Variants in HS6ST3 observed in about 807,000 individuals in gnomAD.
The protein encoded by HS6ST3 is heparan-sulfate 6-O-sulfotransferase 3.
In HS6ST3, 12 loss-of-function variants were observed where a neutral mutation model predicts 36.7. The observed-to-expected ratio is 0.33, with a 90% CI of 0.21 to 0.53. HS6ST3 has a LOEUF of 0.53. HS6ST3 is among the 20% of genes least tolerant of loss of function. The pLI is 0.95. For missense variants in HS6ST3, 584 were observed against 640.9 expected (o/e 0.91, Z 0.96); for synonymous variants, 240 against 257.5 (o/e 0.93, Z 0.65).
intron 1 of HS6ST3, among the ~76,000 whole-genome samples, chr13:96,713,763 A>G (rs1339899175): frequency 6.6e-6 from 1 of 152,178 alleles, no homozygotes; most frequent in African/African-American, 2.4e-5. Flanking sequence ...GAAAAATTAC[A>G]AGATTTTCCA....
chr13:96,344,833 C>A (rs1044863125), intron 1 of HS6ST3, among the ~76,000 whole-genome samples: 1 of 152,176 alleles, frequency 6.6e-6, no homozygotes, highest in Non-Finnish European at 1.5e-5. Context: ...AGGTATTATA[C>A]GAATGCCTGT....
intron 1 of HS6ST3, among the ~76,000 whole-genome samples, chr13:96,508,092 G>T (rs1469955746): frequency 6.6e-6 from 1 of 152,054 alleles, no homozygotes. Flanking sequence ...TAGCACATTT[G>T]TACCCTTTGA....
intron 1 of HS6ST3, among the ~76,000 whole-genome samples, chr13:96,247,320 A>T (rs2139375599): frequency 6.6e-6 from 1 of 152,116 alleles, no homozygotes; most frequent in Admixed American, 6.5e-5. Flanking sequence ...CCCAAGTCTC[A>T]TCTCAAATTG....
At chr13:96,570,256 G>T (rs1443469352) in intron 1 of HS6ST3, among the ~76,000 whole-genome samples, 1 of 152,038 alleles carries the variant, frequency 6.6e-6, no homozygotes, top group Non-Finnish European at 1.5e-5. Flanking sequence ...GTCTTAATTT[G>T]GGGCCTACAT....
In HS6ST3 at chr13:96,213,539, T is replaced by C. The variant is rs1229667262; in HGVS notation, c.707+121970T>C. Among the ~76,000 whole-genome samples, 3 of 152,078 alleles carry C rather than the reference T, an allele frequency of 2.0e-5. 1 individual carries two copies. The South Asian group carries it at 6.2e-4, about 32-fold the overall frequency. ...TCTGTGTAGGACAATTTTTTTTTTTTTTTTTTAGATGGAATCTTGTTCTCT... is the reference window on the plus strand; with the variant it reads ...TCTGTGTAGGACAATTTTTTTTTTTCTTTTTTAGATGGAATCTTGTTCTCT... On this transcript the variant is annotated intron_variant, in intron 1 of 1. Coordinates refer to ENST00000376705, the MANE Select transcript of HS6ST3 (RefSeq NM_153456.4).
intron 1 of HS6ST3, among the ~76,000 whole-genome samples, chr13:96,707,772 A>C (rs774894576): frequency 3.9e-5 from 6 of 152,214 alleles, no homozygotes; most frequent in Non-Finnish European, 7.3e-5. Flanking sequence ...TACATGTAGA[A>C]AGAATGGAAG....
intron 1 of HS6ST3, among the ~76,000 whole-genome samples, chr13:96,427,066 G>T (rs2055590844): frequency 6.6e-6 from 1 of 152,174 alleles, no homozygotes; most frequent in African/African-American, 2.4e-5. Flanking sequence ...AGCTTCCCAG[G>T]TGATTCCAAT....
intron 1 of HS6ST3, among the ~76,000 whole-genome samples, chr13:96,262,378 C>G (rs968558944): frequency 4.6e-5 from 7 of 152,108 alleles, no homozygotes; most frequent in African/African-American, 1.7e-4. Flanking sequence ...TCTGAAATCC[C>G]TGAAGAGTCT....
intron 1 of HS6ST3, among the ~76,000 whole-genome samples, chr13:96,620,875 C>T (rs548988239): frequency 1.5e-4 from 23 of 152,008 alleles, no homozygotes; most frequent in African/African-American, 5.3e-4. Flanking sequence ...ATGCCACCTT[C>T]ACTGGCTACA....
At chr13:96,668,686 C>CTTTTTTTTTTTT (rs146033180) in intron 1 of HS6ST3, among the ~76,000 whole-genome samples, 10 of 58,944 alleles carry the variant, frequency 1.7e-4, no homozygotes, top group South Asian at 7.4e-4. Flanking sequence ...TAGTGCCAAC[C>CTTTTTTTTTTTT]TTTTTTTTTT....
At chr13:96,277,067 G>C (rs1347010468) in intron 1 of HS6ST3, among the ~76,000 whole-genome samples, 1 of 152,192 alleles carries the variant, frequency 6.6e-6, no homozygotes, top group African/African-American at 2.4e-5. Flanking sequence ...CACAGGCCCA[G>C]TCCTGCTTCA....
At chr13:96,221,556 A>G (rs1250360786) in intron 1 of HS6ST3, among the ~76,000 whole-genome samples, 1 of 152,136 alleles carries the variant, frequency 6.6e-6, no homozygotes, top group Non-Finnish European at 1.5e-5. Flanking sequence ...GAACAGTTAG[A>G]TGCAGGTGAG....
At chr13:96,222,510 A>T (rs2054460943) in intron 1 of HS6ST3, among the ~76,000 whole-genome samples, 1 of 152,376 alleles carries the variant, frequency 6.6e-6, no homozygotes, top group African/African-American at 2.4e-5. Flanking sequence ...AGCAAATGCT[A>T]ACAGCAGCTT....
intron 1 of HS6ST3, among the ~76,000 whole-genome samples, chr13:96,178,055 A>G (rs1351592990): frequency 6.6e-6 from 1 of 152,136 alleles, no homozygotes; most frequent in African/African-American, 2.4e-5. Context: ...ATGTATAACT[A>G]TATGTTTACT....
At chr13:96,671,237 C>G (rs1167920760) in intron 1 of HS6ST3, among the ~76,000 whole-genome samples, 1 of 152,030 alleles carries the variant, frequency 6.6e-6, no homozygotes, top group African/African-American at 2.4e-5. Context: ...GGCTTGGATG[C>G]CTTTACCCCA....
intron 1 of HS6ST3, among the ~76,000 whole-genome samples, chr13:96,707,635 A>T (rs149662003): frequency 1.7e-3 from 251 of 151,946 alleles, no homozygotes; most frequent in African/African-American, 5.8e-3. Flanking sequence ...GGCAGTGTGC[A>T]TATTGAGTGT....
chr13:96,150,174 T>G (rs1038707313), intron 1 of HS6ST3, among the ~76,000 whole-genome samples: 2 of 152,126 alleles, frequency 1.3e-5, no homozygotes, highest in African/African-American at 2.4e-5. Flanking sequence ...AGGAAAGCTC[T>G]CAGTGGCAAG....
chr13:96,634,903 A>G lies in HS6ST3; in HGVS notation c.708-197587A>G, dbSNP rs563275417. 1.4e-4 allele frequency among the ~76,000 whole-genome samples: 21 copies of G among 152,312 alleles called. No individual in the cohort carries two copies. In the East Asian group the frequency reaches 4.1e-3, roughly 29 times the overall value. On this transcript the variant is annotated intron_variant, in intron 1 of 1. Coordinates refer to ENST00000376705, the MANE Select transcript of HS6ST3 (RefSeq NM_153456.4). Reference sequence around the variant, plus strand: ...AGTTTGAGTCATTAGGTTTAATCTTAATCTCTGACTCTTCACTGAGTTTCA... The same window carrying G: ...AGTTTGAGTCATTAGGTTTAATCTTGATCTCTGACTCTTCACTGAGTTTCA...
intron 1 of HS6ST3, among the ~76,000 whole-genome samples, chr13:96,386,287 A>T (rs1334988768): frequency 6.6e-6 from 1 of 152,132 alleles, no homozygotes; most frequent in Non-Finnish European, 1.5e-5. Context: ...AGCAGCACCA[A>T]AAGCAATCTG....
Sources: allele counts gnomAD v4.1 joint callset (sites outside exome capture counted in the v4.1 genomes callset), GRCh38; gene constraint gnomAD v4.1.1; transcripts MANE v1.5; gene names NCBI Gene and HGNC (gene_info 2026-07-23, HGNC 2026-07-21).